Variants in CCDC88C observed in about 807,000 individuals in gnomAD.
CCDC88C encodes the protein protein Daple.
A neutral mutation model predicts 198.8 loss-of-function variants in CCDC88C; 131 were observed. The observed-to-expected ratio is 0.66, with a 90% CI of 0.57 to 0.76. The LOEUF is 0.76. CCDC88C is among the 30% of genes least tolerant of loss of function. The pLI is 0.00. For missense variants in CCDC88C, 2,553 were observed against 2,631.6 expected (o/e 0.97, Z 0.65); for synonymous variants, 1,166 against 1,114.7 (o/e 1.05, Z -0.92).
chr14:91,368,721 C>T (rs1265366441), intron 3 of CCDC88C, among the ~76,000 whole-genome samples: 3 of 152,134 alleles, frequency 2.0e-5, no homozygotes, highest in East Asian at 1.9e-4. Flanking sequence ...ACCCTGTAGT[C>T]AGGAGGGATA....
chr14:91,345,190 A>ATATATATATATATATTTTT (rs1246878587), intron 4 of CCDC88C, among the ~76,000 whole-genome samples: 1 of 52,202 alleles, frequency 1.9e-5, no homozygotes, highest in African/African-American at 7.9e-5. Flanking sequence ...ATATATATAT[A>ATATATATATATATATTTTT]TTTTTTTTTT....
chr14:91,395,216 C>G (rs1283962468), intron 3 of CCDC88C, among the ~76,000 whole-genome samples: 1 of 152,136 alleles, frequency 6.6e-6, no homozygotes, highest in African/African-American at 2.4e-5. Flanking sequence ...TGTCTCCTGC[C>G]TCCCAAGACC....
chr14:91,279,004 C>T (rs1890087664), intron 28 of CCDC88C, among the ~76,000 whole-genome samples: 1 of 148,376 alleles, frequency 6.7e-6, no homozygotes. Context: ...CAGGCTTGAG[C>T]GAGCCTCCCA....
At chr14:91,349,027 C>T (rs1254357529) in intron 4 of CCDC88C, among the ~76,000 whole-genome samples, 3 of 152,146 alleles carry the variant, frequency 2.0e-5, no homozygotes, top group Non-Finnish European at 4.4e-5. Flanking sequence ...TAAGAAAAAC[C>T]GCTATTTCCA....
At chr14:91,347,001 C>T (rs966287784) in intron 4 of CCDC88C, among the ~76,000 whole-genome samples, 3 of 152,190 alleles carry the variant, frequency 2.0e-5, no homozygotes, top group African/African-American at 7.2e-5. Flanking sequence ...ACCCACCTCC[C>T]CCTTTCCCTT....
chr14:91,405,448 T>C (rs1886432101), intron 3 of CCDC88C, among the ~76,000 whole-genome samples: 1 of 152,218 alleles, frequency 6.6e-6, no homozygotes. Context: ...TCGGGGCTAC[T>C]TTCCCAAGAA....
In CCDC88C at chr14:91,338,801, C is replaced by CT. The variant is rs2139859022; in HGVS notation, c.810-232dup. The CT allele has an allele frequency of 1.8e-6, 1 of 544,584 alleles. No homozygotes were observed. Among genetic ancestry groups the CT allele is most frequent in the South Asian group, 2.1e-5 (1 of 47,622 alleles). 33.7% of individuals were successfully genotyped at this position (544,584 alleles called of 1,614,324 possible). ...AACTATGTCCATCCGCCACTCAGGT[C>CT]TCCCTCCCTGTGTGTGGGGCAGGTA... is the stretch of plus-strand genomic sequence containing the variant. On this transcript the variant is annotated intron_variant, in intron 8 of 29. Transcript: ENST00000389857. This position sits in a 1 kb window ranked among gnomAD's most constrained non-coding sequence, Gnocchi z 4.8.
intron 4 of CCDC88C, among the ~76,000 whole-genome samples, chr14:91,348,417 G>A (rs1454978050): frequency 1.3e-5 from 2 of 151,714 alleles, no homozygotes; most frequent in Non-Finnish European, 2.9e-5. Flanking sequence ...GGGTGAAGCT[G>A]CAGTGAGCTT....
chr14:91,386,533 C>T (rs192640438), intron 3 of CCDC88C, among the ~76,000 whole-genome samples: 157 of 152,300 alleles, frequency 1.0e-3, no homozygotes, highest in African/African-American at 3.5e-3. Context: ...TGCACATCTG[C>T]GCATGCCACA....
rs1893191981 is a variant in CCDC88C at position 91,339,133 on chromosome 14, A to C, written c.809+145T>G. 1 of 956,496 alleles carries C rather than the reference A, an allele frequency of 1.0e-6. No homozygotes were observed. Among genetic ancestry groups the C allele is most frequent in the Admixed American group, 2.0e-5 (1 of 50,146 alleles). The allele number at this position is 956,496 out of a possible 1,614,324, so 59.3% of individuals were successfully genotyped here. A position where few individuals can be genotyped will look rare whatever the true frequency, so the allele number is the denominator to read the frequency against. On this transcript the variant is annotated intron_variant, in intron 8 of 29. Coordinates refer to ENST00000389857, the MANE Select transcript of CCDC88C (RefSeq NM_001080414.4). The surrounding 1 kb of genome is among the most constrained non-coding windows in gnomAD (Gnocchi z 5.8). Reference sequence around the variant, plus strand: ...AGGGGAGGCAGCTAGTCCGAGGTCAAAGAGTAAGCTCAGGGCAGACCCCAG... The same window carrying C: ...AGGGGAGGCAGCTAGTCCGAGGTCACAGAGTAAGCTCAGGGCAGACCCCAG...
In CCDC88C at chr14:91,313,387, T is replaced by G; in HGVS notation, c.2429A>C (p.Asn810Thr). The G allele has an allele frequency of 6.2e-7, 1 of 1,609,144 alleles. No homozygotes were observed. The highest frequency in any genetic ancestry group is 8.5e-7 in the Non-Finnish European group (1 of 1,179,740). The change falls in exon 15 of 30, where the codon AAT becomes ACT. Residue 810 changes from asparagine (N) to threonine (T), a missense_variant. Asn to Thr is a moderately conservative substitution (Grantham distance 65). This residue lies in a region of CCDC88C where 1,260 missense variants were observed against 1,412.0 expected (regional missense o/e 0.89). Transcript: ENST00000389857. This position sits in a 1 kb window ranked among gnomAD's most constrained non-coding sequence, Gnocchi z 5.2. ...RRDLEALRLA[N>T]AQLEGAEKDR... ...CTTCTCGGCCCCCTCCAACTGTGCA[T>G]TGGCCAGCCGGAGGGCCTCCAGGTC...
At position 91,313,395 on chromosome 14, in the gene CCDC88C, C is replaced by T. The variant is rs982901283; in HGVS notation, c.2421G>A (p.Arg807=). Residue 807 remains arginine, a synonymous_variant, in exon 15 of 30, where the codon CGG becomes CGA. Coordinates refer to ENST00000389857, the MANE Select transcript of CCDC88C (RefSeq NM_001080414.4). This position sits in a 1 kb window ranked among gnomAD's most constrained non-coding sequence, Gnocchi z 5.2. The part of the protein sequence containing the change: ...QALRRDLEAL[R]LANAQLEGAE... ...CCCCCTCCAACTGTGCATTGGCCAG[C>T]CGGAGGGCCTCCAGGTCCCGCCGCA... 6.2e-7 allele frequency: 1 copy of T among 1,608,524 alleles called. No homozygotes were observed.
At position 91,379,994 on chromosome 14, in the gene CCDC88C, C is replaced by T. The variant is rs1405537047; in HGVS notation, c.271-20283G>A. On this transcript the variant is annotated intron_variant, in intron 3 of 29. Coordinates refer to ENST00000389857, the MANE Select transcript of CCDC88C (RefSeq NM_001080414.4). The stretch of plus-strand genomic sequence containing the variant: ...GTAAAACTGTTGGGAACTGCGCGAG[C>T]CCACCGTGAGAACCAACTCCACGCT... 6 of 660,338 alleles carry T rather than the reference C, an allele frequency of 9.1e-6. No individual in the cohort carries two copies. In the African/African-American group the frequency reaches 9.8e-5, roughly 11 times the overall value. The allele number at this position is 660,338 out of a possible 1,614,324, so 40.9% of individuals were successfully genotyped here.
Position 91,338,582 on chromosome 14 carries a change from GTA to G in CCDC88C, c.810-14_810-13del. 9.7e-6 allele frequency: 15 copies of G among 1,553,606 alleles called. No homozygotes were observed. Among genetic ancestry groups the G allele is most frequent in the Non-Finnish European group, 1.3e-5 (15 of 1,147,312 alleles). ...CTGTCTTATCCTCCCTGCAGAGGCA[GTA>G]AGGAGAAAGAGTGTGGGAGGCAGCT... On this transcript the variant is annotated splice_polypyrimidine_tract_variant and intron_variant, in intron 8 of 29. Transcript: ENST00000389857. The surrounding 1 kb of genome is among the most constrained non-coding windows in gnomAD (Gnocchi z 4.8).
chr14:91,340,586 C>T (rs1055735348), intron 6 of CCDC88C, among the ~76,000 whole-genome samples: 4 of 152,164 alleles, frequency 2.6e-5, no homozygotes, highest in African/African-American at 7.2e-5. Flanking sequence ...ATACACAGCT[C>T]TGTCTACGTG....
At chr14:91,359,202 T>C (rs1894187193) in intron 4 of CCDC88C, among the ~76,000 whole-genome samples, 1 of 144,534 alleles carries the variant, frequency 6.9e-6, no homozygotes, top group African/African-American at 2.6e-5. Flanking sequence ...TCTTGCTCTG[T>C]GCCCAGGCTG....
Position 91,313,248 on chromosome 14 carries a change from G to A in CCDC88C, c.2568C>T (p.Asp856=), listed in dbSNP as rs371010464. Residue 856 remains aspartate, a synonymous_variant, in exon 15 of 30, where the codon GAC becomes GAT. Transcript: ENST00000389857. This position sits in a 1 kb window ranked among gnomAD's most constrained non-coding sequence, Gnocchi z 5.2. ...CGGCGGACAGTTTGGCAGTGCTATC[G>A]TCCAAGACTGCATCCTTGAGCTCCA... ...QQVELKDAVL[D]DSTAKLSAVE... 4.5e-4 allele frequency: 727 copies of A among 1,613,980 alleles called. 14 individuals carry two copies. In the South Asian group the frequency reaches 7.3e-3, roughly 16 times the overall value.
At chr14:91,361,545 C>A (rs1228047968) in intron 3 of CCDC88C, among the ~76,000 whole-genome samples, 1 of 152,162 alleles carries the variant, frequency 6.6e-6, no homozygotes, top group Non-Finnish European at 1.5e-5. Context: ...GATGTTAAAC[C>A]GTGAGGTGTA....
At chr14:91,276,740 A>G (rs963615773) in intron 29 of CCDC88C, among the ~76,000 whole-genome samples, 4 of 152,236 alleles carry the variant, frequency 2.6e-5, no homozygotes, top group Non-Finnish European at 4.4e-5. Flanking sequence ...AAAGGGCTCA[A>G]TTGCAGACAG....
Sources: allele counts gnomAD v4.1 joint callset (sites outside exome capture counted in the v4.1 genomes callset), GRCh38; gene constraint gnomAD v4.1.1; regional missense constraint gnomAD v4.1.1; non-coding constraint Gnocchi (gnomAD v3.1); transcripts MANE v1.5; gene names NCBI Gene and HGNC (gene_info 2026-07-23, HGNC 2026-07-21).